The following SOS1 variants were observed in gnomAD, a reference collection of about 807,000 sequenced individuals.
SOS1 encodes SOS Ras/Rac guanine nucleotide exchange factor 1, also known as son of sevenless homolog 1.
Under a neutral mutation model 157.6 loss-of-function variants are expected in SOS1, and 25 were observed. That is an observed-to-expected ratio of 0.16 (90% CI 0.12 to 0.22). The LOEUF (loss-of-function observed/expected upper bound fraction) is 0.22. Ranked by LOEUF, SOS1 falls within the 10% of genes least tolerant of loss-of-function variation. The pLI, the probability that SOS1 is intolerant of heterozygous loss-of-function variation, is 1.00. For synonymous variants in SOS1, 528 were observed against 534.0 expected (o/e 0.99, Z 0.16); for missense variants, 1,237 against 1,599.1 (o/e 0.77, Z 3.86).
intron 1 of SOS1, among the ~76,000 whole-genome samples, chr2:39,091,509 A>C (rs1242532295): frequency 1.3e-5 from 2 of 152,122 alleles, no homozygotes; most frequent in Non-Finnish European, 2.9e-5. Context: ...GTTTTAGCTC[A>C]GGAAAGCCTC....
Position 39,006,493 on chromosome 2 carries a change from C to T in SOS1, c.2710G>A (p.Ala904Thr). ...TAGTGATCTTCACTCAATTCATGAG[C>T]TTCTTCTAAAATTTTCTTCTGGCGA... ...PSRQKKILEE[A>T]HELSEDHYKK... The change falls in exon 17 of 23, where the codon GCT becomes ACT. Residue 904 changes from alanine (A) to threonine (T), a missense_variant. By Grantham distance (58) the Ala-to-Thr change is moderately conservative. Around this residue, in one of 15 missense-constraint regions of SOS1, gnomAD observed 105 missense variants for 236.0 expected, o/e 0.44. Transcript: ENST00000402219. The T allele has an allele frequency of 6.2e-7, 1 of 1,609,286 alleles. No individual in the cohort carries two copies. Among genetic ancestry groups the T allele is most frequent in the Non-Finnish European group, 8.5e-7 (1 of 1,176,080 alleles).
chr2:39,016,602 A>C (rs1365276819), intron 10 of SOS1, among the ~76,000 whole-genome samples: 2 of 152,148 alleles, frequency 1.3e-5, no homozygotes, highest in Non-Finnish European at 2.9e-5. Context: ...AAGCAAAAGC[A>C]GTGGCCACTA....
intron 1 of SOS1, among the ~76,000 whole-genome samples, chr2:39,083,891 C>G (rs1558505787): frequency 6.6e-6 from 1 of 152,244 alleles, no homozygotes; most frequent in East Asian, 1.9e-4. Flanking sequence ...ATATGAAGCC[C>G]TAAGCCCCAG....
intron 6 of SOS1, among the ~76,000 whole-genome samples, chr2:39,045,748 C>T (rs1322661405): frequency 6.6e-6 from 1 of 152,072 alleles, no homozygotes; most frequent in Non-Finnish European, 1.5e-5. Flanking sequence ...CTTGCTCTGT[C>T]GCCCAGGCTG....
intron 10 of SOS1, among the ~76,000 whole-genome samples, chr2:39,020,708 A>G (rs1410097813): frequency 3.3e-5 from 5 of 151,852 alleles, no homozygotes; most frequent in South Asian, 2.1e-4. Flanking sequence ...AAACCATTCT[A>G]TGTTGCCAGT....
In SOS1 at chr2:39,071,697, G is replaced by GT. The variant is rs946791484; in HGVS notation, c.88-3945dup. 6.6e-5 allele frequency among the ~76,000 whole-genome samples: 10 copies of GT among 152,040 alleles called. No homozygotes were observed. The South Asian group carries it at 2.1e-3, about 32-fold the overall frequency. On this transcript the variant is annotated intron_variant, in intron 1 of 22. Transcript: ENST00000402219. ...AAAGTATTCAAGAAAGTATGATTAAGTTTTTTTTGTAAAGTTCACTGTTTT... is the reference window on the plus strand; with the variant it reads ...AAAGTATTCAAGAAAGTATGATTAAGTTTTTTTTTGTAAAGTTCACTGTTTT...
chr2:39,077,130 G>A (rs1672032285), intron 1 of SOS1, among the ~76,000 whole-genome samples: 1 of 152,196 alleles, frequency 6.6e-6, no homozygotes, highest in South Asian at 2.1e-4. Context: ...ATCACTTGAG[G>A]TCAGGCGTTC....
chr2:39,113,145 G>C (rs1263560033), intron 1 of SOS1, among the ~76,000 whole-genome samples: 6 of 152,002 alleles, frequency 3.9e-5, no homozygotes, highest in Admixed American at 3.9e-4. Flanking sequence ...TATCTCATAA[G>C]AAAAGATGTC....
intron 20 of SOS1, among the ~76,000 whole-genome samples, chr2:38,994,636 C>T (rs1668835483): frequency 6.6e-6 from 1 of 152,166 alleles, no homozygotes; most frequent in Non-Finnish European, 1.5e-5. Context: ...ACTGAAAAAT[C>T]TCAAAACTTC....
intron 10 of SOS1, among the ~76,000 whole-genome samples, chr2:39,020,097 A>G (rs1256463893): frequency 6.6e-6 from 1 of 151,580 alleles, no homozygotes; most frequent in Non-Finnish European, 1.5e-5. Context: ...CAAGAAACCT[A>G]ATTCTTGACT....
At chr2:39,062,752 A>G (rs1671453688) in intron 2 of SOS1, among the ~76,000 whole-genome samples, 1 of 152,048 alleles carries the variant, frequency 6.6e-6, no homozygotes, top group Non-Finnish European at 1.5e-5. Context: ...TACAATTATG[A>G]AAGGACAAGA....
chr2:39,064,268 T>A (rs1411380628), intron 2 of SOS1, among the ~76,000 whole-genome samples: 1 of 152,218 alleles, frequency 6.6e-6, no homozygotes, highest in Non-Finnish European at 1.5e-5. Flanking sequence ...TTACCTCACA[T>A]AGTTATTTTT....
chr2:38,995,038 C>T (rs1319463438), intron 20 of SOS1, 85 bp downstream of exon 20: 4 of 1,192,712 alleles, frequency 3.4e-6, no homozygotes, highest in African/African-American at 1.5e-5. Context: ...TTCACACATA[C>T]AAAAAAATAA....
intron 9 of SOS1, among the ~76,000 whole-genome samples, chr2:39,023,596 C>G (rs1289990976): frequency 6.6e-6 from 1 of 151,966 alleles, no homozygotes; most frequent in Non-Finnish European, 1.5e-5. Context: ...ATGGACAAGA[C>G]CCAAAGCTAA....
chr2:39,011,251 G>A (rs187531267), intron 14 of SOS1, among the ~76,000 whole-genome samples: 8 of 152,138 alleles, frequency 5.3e-5, no homozygotes, highest in African/African-American at 1.4e-4. Flanking sequence ...TACTTTTAGC[G>A]TTCCTTTATA....
At chr2:39,068,857 T>C (rs1671682302) in intron 1 of SOS1, among the ~76,000 whole-genome samples, 1 of 152,044 alleles carries the variant, frequency 6.6e-6, no homozygotes, top group African/African-American at 2.4e-5. Flanking sequence ...CCTAAATAAA[T>C]GGCAAGAAAA....
At chr2:39,090,300 CT>C (rs1672543827) in intron 1 of SOS1, among the ~76,000 whole-genome samples, 1 of 152,196 alleles carries the variant, frequency 6.6e-6, no homozygotes. Flanking sequence ...TCTGATCCAA[CT>C]TTTTCCTCTA....
chr2:38,981,843 A>AAATT lies in SOS1; in HGVS notation c.*3977_*3980dup, dbSNP rs1668408322. 1 of 152,202 alleles carries AAATT rather than the reference A, an allele frequency of 6.6e-6. No individual in the cohort carries two copies. Among genetic ancestry groups the AAATT allele is most frequent in the African/African-American group, 2.4e-5 (1 of 41,464 alleles). The allele number at this position is 152,202 out of a possible 1,614,324, so 9.4% of individuals were successfully genotyped here. A position where few individuals can be genotyped will look rare whatever the true frequency, so the allele number is the denominator to read the frequency against. ...TATATACACAAACACGTCTCAACTA[A>AAATT]AATTATACATGTCACTTTGACAAAC... On this transcript the variant is annotated 3_prime_UTR_variant, in exon 23 of 23. Coordinates refer to ENST00000402219, the MANE Select transcript of SOS1 (RefSeq NM_005633.4).
intron 6 of SOS1, among the ~76,000 whole-genome samples, chr2:39,044,901 G>A (rs1463857365): frequency 6.6e-6 from 1 of 151,366 alleles, no homozygotes; most frequent in Admixed American, 6.6e-5. Flanking sequence ...CCTTTTATCG[G>A]TGAGGGATTG....
Sources: allele counts gnomAD v4.1 joint callset (sites outside exome capture counted in the v4.1 genomes callset), GRCh38; gene constraint gnomAD v4.1.1; regional missense constraint gnomAD v4.1.1; transcripts MANE v1.5; gene names NCBI Gene and HGNC (gene_info 2026-07-23, HGNC 2026-07-21).